Variants in APBB1IP observed in about 807,000 individuals in gnomAD.
APBB1IP encodes the protein amyloid beta precursor protein binding family B member 1 interacting protein, also known as amyloid beta A4 precursor protein-binding family B member 1-interacting protein.
Under a neutral mutation model 64.9 loss-of-function variants are expected in APBB1IP, and 27 were observed. The ratio of observed to expected loss-of-function variants is 0.42; its 90% CI spans 0.31 to 0.57. The LOEUF is 0.57. Among genes scored for constraint, APBB1IP ranks in the 20% least tolerant of loss-of-function variants. The pLI, the probability that APBB1IP is intolerant of heterozygous loss-of-function variation, is 0.20. For synonymous variants in APBB1IP, 392 were observed against 331.0 expected, an observed-to-expected ratio of 1.18 and a Z score of -2.00; for missense variants, 812 against 845.5, an observed-to-expected ratio of 0.96 and a Z score of 0.49.
In APBB1IP at chr10:26,508,916, A is replaced by T. The variant is rs145023204; in HGVS notation, c.532-2831A>T. Among the ~76,000 whole-genome samples the T allele has an allele frequency of 6.6e-3, 1,005 of 152,354 alleles. 1 individual carries two copies. Among genetic ancestry groups the T allele is most frequent in the Non-Finnish European group, 9.9e-3 (674 of 68,042 alleles). ...TTTATAGAACATAAAAAACAGCAAC[A>T]TATGTTTTATTTTCTTAAGAATTCC... On this transcript the variant is annotated intron_variant, in intron 6 of 14. Coordinates refer to ENST00000376236, the MANE Select transcript of APBB1IP (RefSeq NM_019043.4).
rs1055350277 is a variant in APBB1IP, at chr10:26,438,822, C to CGCGCCCCGCA, written c.-20_-11dup. 5.2e-5 allele frequency: 8 copies of CGCGCCCCGCA among 152,620 alleles called. No homozygotes were observed. The highest frequency in any genetic ancestry group is 7.3e-5 in the Non-Finnish European group (5 of 68,390). The allele number at this position is 152,620 out of a possible 1,614,324, so 9.5% of individuals were successfully genotyped here. Reference sequence around the variant, plus strand: ...CCCGGCCGGAGTCTCGCCGCCTTCCCGCGCCCCGCAGCGCCCCGCAGAGCA... The same window carrying CGCGCCCCGCA: ...CCCGGCCGGAGTCTCGCCGCCTTCCCGCGCCCCGCAGCGCCCCGCAGCGCCCCGCAGAGCA... On this transcript the variant is annotated 5_prime_UTR_variant, in exon 2 of 15. Transcript: ENST00000376236.
At chr10:26,448,170 GA>G (rs1835422811) in intron 2 of APBB1IP, among the ~76,000 whole-genome samples, 1 of 151,072 alleles carries the variant, frequency 6.6e-6, no homozygotes, top group Non-Finnish European at 1.5e-5. Flanking sequence ...TGATATAATT[GA>G]AATTATGTTA....
In APBB1IP at chr10:26,447,374, C is replaced by CAAAAAAA. The variant is rs55948326; in HGVS notation, c.-1+8537_-1+8543dup. Among the ~76,000 whole-genome samples, 82 of 54,728 alleles carry CAAAAAAA rather than the reference C, an allele frequency of 1.5e-3. 1 individual carries two copies. The highest frequency in any genetic ancestry group is 0.013 in the Middle Eastern group (1 of 76). 35.9% of individuals were successfully genotyped at this position (54,728 alleles called of 152,430 possible). On this transcript the variant is annotated intron_variant, in intron 2 of 14. Coordinates refer to ENST00000376236, the MANE Select transcript of APBB1IP (RefSeq NM_019043.4). Reference sequence around the variant, plus strand: ...TGGGTGACAGAGTGAGACTCCGTCTCAAAAAAAAAAAAAAAAAAAAAAGAA... The same window carrying CAAAAAAA: ...TGGGTGACAGAGTGAGACTCCGTCTCAAAAAAAAAAAAAAAAAAAAAAAAAAAAAGAA...
intron 9 of APBB1IP, 131 bp downstream of exon 9, chr10:26,533,656 A>G: frequency 2.0e-6 from 1 of 490,160 alleles, no homozygotes; most frequent in Admixed American, 4.3e-5. Context: ...TTAAAATCAA[A>G]TTATTTCTAA....
Position 26,534,000 on chromosome 10 carries a change from G to A in APBB1IP, c.900+475G>A, listed in dbSNP as rs375711473. On this transcript the variant is annotated intron_variant, in intron 9 of 14. Transcript: ENST00000376236. ...CCCCCCCGAGAACCTGACAGATTCCGAATTGTATTGAATTATCACAGAGAT... is the reference window on the plus strand; with the variant it reads ...CCCCCCCGAGAACCTGACAGATTCCAAATTGTATTGAATTATCACAGAGAT... 6.6e-5 allele frequency among the ~76,000 whole-genome samples: 10 copies of A among 151,498 alleles called. No individual in the cohort carries two copies. The East Asian group carries it at 1.6e-3, about 24-fold the overall frequency.
rs1836694432 is a variant in APBB1IP, at chr10:26,541,350, T to C, written c.1045-232T>C. 2.0e-5 allele frequency among the ~76,000 whole-genome samples: 3 copies of C among 152,186 alleles called. No homozygotes were observed. The South Asian group carries it at 6.2e-4, about 32-fold the overall frequency. ...CAATATCTTTCATATTGGGAAAGATTTATGTATAGATCTTACTAAATTGTC... is the reference window on the plus strand; with the variant it reads ...CAATATCTTTCATATTGGGAAAGATCTATGTATAGATCTTACTAAATTGTC... On this transcript the variant is annotated intron_variant, in intron 10 of 14. Transcript: ENST00000376236.
chr10:26,545,527 G>A (rs919156118), intron 11 of APBB1IP, among the ~76,000 whole-genome samples: 3 of 152,102 alleles, frequency 2.0e-5, no homozygotes, highest in African/African-American at 2.4e-5. Flanking sequence ...TTGGGAGGCC[G>A]AGGCGGGCGG....
At chr10:26,467,388 A>G (rs1564352553) in intron 2 of APBB1IP, among the ~76,000 whole-genome samples, 1 of 152,192 alleles carries the variant, frequency 6.6e-6, no homozygotes, top group Non-Finnish European at 1.5e-5. Context: ...CCTGTAGAGC[A>G]GTGGTTCTCA....
chr10:26,471,129 C>T (rs767903922), intron 2 of APBB1IP, among the ~76,000 whole-genome samples: 3 of 152,040 alleles, frequency 2.0e-5, no homozygotes, highest in Non-Finnish European at 4.4e-5. Context: ...AATAACTTGC[C>T]CAAGATTACA....
At chr10:26,497,278 G>T (rs945674080) in intron 4 of APBB1IP, among the ~76,000 whole-genome samples, 1 of 152,186 alleles carries the variant, frequency 6.6e-6, no homozygotes, top group Non-Finnish European at 1.5e-5. Flanking sequence ...GAGGCCAGGC[G>T]CAGTGGCTCA....
chr10:26,498,736 A>G (rs1218727773), intron 4 of APBB1IP, among the ~76,000 whole-genome samples: 1 of 152,184 alleles, frequency 6.6e-6, no homozygotes, highest in African/African-American at 2.4e-5. Context: ...AGTACTGACA[A>G]TGATAGGAGC....
In APBB1IP at chr10:26,500,907, C is replaced by G. The variant is rs775214385; in HGVS notation, c.249C>G (p.Ile83Met). The G allele has an allele frequency of 1.2e-6, 2 of 1,614,080 alleles. No individual in the cohort carries two copies. Among genetic ancestry groups the G allele is most frequent in the Non-Finnish European group, 1.7e-6 (2 of 1,180,042 alleles). The change falls in exon 5 of 15, where the codon ATC (isoleucine) becomes ATG (methionine). Residue 83 changes from isoleucine to methionine, a missense_variant. Transcript: ENST00000376236. ...ADISEAEQRT[I>M]QAQKESLQNQ... ...TAAGTGAGGCTGAGCAGAGGACAATCCAGGCACAGAAAGAGTCCTTGCAGA... is the reference window on the plus strand; with the variant it reads ...TAAGTGAGGCTGAGCAGAGGACAATGCAGGCACAGAAAGAGTCCTTGCAGA...
chr10:26,486,711 G>T (rs750650627), intron 2 of APBB1IP, among the ~76,000 whole-genome samples: 3 of 152,154 alleles, frequency 2.0e-5, no homozygotes, highest in Non-Finnish European at 4.4e-5. Context: ...GATTAACTCT[G>T]CCGTCGATAT....
In APBB1IP at chr10:26,567,157, C is replaced by T. The variant is rs769827764; in HGVS notation, c.1670C>T (p.Pro557Leu). The change falls in exon 15 of 15, where the codon CCG (proline) becomes CTG (leucine). Residue 557 changes from proline (P) to leucine (L), a missense_variant. Transcript: ENST00000376236. ...PAPPDDFLPP[P>L]PPPPPLDDPE... Reference sequence around the variant, plus strand: ...CCACCCGACGACTTCCTGCCGCCGCCGCCACCGCCGCCGCCCCTCGATGAC... The same window carrying T: ...CCACCCGACGACTTCCTGCCGCCGCTGCCACCGCCGCCGCCCCTCGATGAC... 3.5e-6 allele frequency: 5 copies of T among 1,414,438 alleles called. No individual in the cohort carries two copies. Among genetic ancestry groups the T allele is most frequent in the African/African-American group, 1.5e-5 (1 of 65,662 alleles). 87.6% of individuals were successfully genotyped at this position (1,414,438 alleles called of 1,614,324 possible).
intron 3 of APBB1IP, among the ~76,000 whole-genome samples, chr10:26,494,043 G>T (rs146604826): frequency 0.015 from 2,347 of 152,112 alleles, 19 homozygotes; most frequent in Middle Eastern, 0.027. Flanking sequence ...TCACTATGTT[G>T]CCCAGGCTGG....
intron 8 of APBB1IP, among the ~76,000 whole-genome samples, chr10:26,517,303 T>G (rs1226817151): frequency 6.6e-6 from 1 of 152,214 alleles, no homozygotes; most frequent in African/African-American, 2.4e-5. Flanking sequence ...TAACAGAGCA[T>G]TCAGGGAGTT....
chr10:26,485,784 A>C (rs1835883805), intron 2 of APBB1IP, among the ~76,000 whole-genome samples: 1 of 152,216 alleles, frequency 6.6e-6, no homozygotes, highest in African/African-American at 2.4e-5. Context: ...TCTGCTGGGA[A>C]TGAAGATACC....
chr10:26,511,723 G>A, intron 6 of APBB1IP, 24 bp from the exon 7 acceptor site: 4 of 1,606,668 alleles, frequency 2.5e-6, no homozygotes, highest in Non-Finnish European at 3.4e-6. Flanking sequence ...AAATTTACTG[G>A]CTGCCCCATG....
chr10:26,544,775 C>T (rs190492842), intron 11 of APBB1IP, among the ~76,000 whole-genome samples: 7 of 152,308 alleles, frequency 4.6e-5, no homozygotes, highest in Admixed American at 1.3e-4. Context: ...AGGACTTGAA[C>T]GGTCTGACCT....
Sources: gnomAD v4.1 joint callset for allele counts (sites outside exome capture counted in the v4.1 genomes callset) on GRCh38, gnomAD v4.1.1 for gene constraint, MANE v1.5 for transcripts, NCBI Gene and HGNC (gene_info 2026-07-23, HGNC 2026-07-21) for gene names.